Variants in CCBE1 observed in about 807,000 individuals in gnomAD.
CCBE1 encodes the protein collagen and calcium binding EGF domains 1.
A neutral mutation model predicts 50.0 loss-of-function variants in CCBE1; 37 were observed. The observed-to-expected ratio is 0.74, with a 90% confidence interval of 0.57 to 0.97. CCBE1 has a LOEUF of 0.97. CCBE1 is among the 50% of genes least tolerant of loss of function. The pLI, the probability that CCBE1 is intolerant of heterozygous loss-of-function variation, is 0.00. For synonymous variants in CCBE1, 234 were observed against 203.7 expected, an observed-to-expected ratio of 1.15 and a Z score of -1.27; for missense variants, 538 against 523.8, an observed-to-expected ratio of 1.03 and a Z score of -0.26.
intron 2 of CCBE1, among the ~76,000 whole-genome samples, chr18:59,536,825 T>C (rs1915268693): frequency 6.6e-6 from 1 of 151,842 alleles, no homozygotes; most frequent in African/African-American, 2.4e-5. Context: ...CCATCTCTAC[T>C]AAAAATGCAA....
intron 5 of CCBE1, among the ~76,000 whole-genome samples, chr18:59,460,251 C>T (rs906573939): frequency 1.3e-5 from 2 of 152,204 alleles, no homozygotes; most frequent in South Asian, 4.1e-4. Context: ...TTCTCTCCTC[C>T]TGGATTCCTA....
chr18:59,548,674 A>G (rs1261298490), intron 2 of CCBE1, among the ~76,000 whole-genome samples: 1 of 152,190 alleles, frequency 6.6e-6, no homozygotes, highest in African/African-American at 2.4e-5. Flanking sequence ...ACTTTGGGCC[A>G]GGCACAGTGG....
At chr18:59,554,220 C>G (rs945189585) in intron 2 of CCBE1, among the ~76,000 whole-genome samples, 1 of 152,122 alleles carries the variant, frequency 6.6e-6, no homozygotes, top group African/African-American at 2.4e-5. Flanking sequence ...CTCAAGCGAT[C>G]CTCTCACCTC....
At chr18:59,540,781 G>A (rs1915436097) in intron 2 of CCBE1, among the ~76,000 whole-genome samples, 1 of 152,136 alleles carries the variant, frequency 6.6e-6, no homozygotes, top group Non-Finnish European at 1.5e-5. Context: ...CAACAGCAGA[G>A]TTAAGTACTC....
chr18:59,678,169 G>C (rs1006123950), intron 2 of CCBE1, among the ~76,000 whole-genome samples: 2 of 152,140 alleles, frequency 1.3e-5, no homozygotes, highest in Non-Finnish European at 2.9e-5. Flanking sequence ...ATAGAAGGAG[G>C]GGGGAGGACT....
chr18:59,527,282 T>A (rs1394032707), intron 2 of CCBE1, among the ~76,000 whole-genome samples: 1 of 152,232 alleles, frequency 6.6e-6, no homozygotes, highest in Non-Finnish European at 1.5e-5. Flanking sequence ...TTTTTATCTC[T>A]GTTGGTTTGA....
chr18:59,575,129 A>G (rs1349576285), intron 2 of CCBE1, among the ~76,000 whole-genome samples: 1 of 152,202 alleles, frequency 6.6e-6, no homozygotes, highest in South Asian at 2.1e-4. Context: ...GACCTGGAAC[A>G]GAATCTTCCA....
intron 2 of CCBE1, among the ~76,000 whole-genome samples, chr18:59,545,124 G>T (rs1305323101): frequency 6.6e-6 from 1 of 152,196 alleles, no homozygotes; most frequent in Non-Finnish European, 1.5e-5. Context: ...AGGGCATAAA[G>T]AGAAAGGTTC....
chr18:59,580,742 T>G (rs2053072494), intron 2 of CCBE1, among the ~76,000 whole-genome samples: 1 of 152,126 alleles, frequency 6.6e-6, no homozygotes, highest in Non-Finnish European at 1.5e-5. Context: ...TTCCAACATT[T>G]TACATTAAGT....
chr18:59,654,053 G>A (rs1568255784), intron 2 of CCBE1, among the ~76,000 whole-genome samples: 1 of 151,768 alleles, frequency 6.6e-6, no homozygotes, highest in East Asian at 1.9e-4. Flanking sequence ...AAGTAGGTTG[G>A]AAAAAAAAGA....
chr18:59,594,660 G>GT (rs1416641272), intron 2 of CCBE1, among the ~76,000 whole-genome samples: 1 of 152,168 alleles, frequency 6.6e-6, no homozygotes, highest in African/African-American at 2.4e-5. Context: ...AAGGGGAAAA[G>GT]ATCTTCAACT....
chr18:59,474,148 C>A (rs1039868423), intron 3 of CCBE1, among the ~76,000 whole-genome samples: 3 of 152,116 alleles, frequency 2.0e-5, no homozygotes, highest in Admixed American at 2.0e-4. Context: ...CTATGGGCAC[C>A]TAGGTTGATT....
intron 2 of CCBE1, among the ~76,000 whole-genome samples, chr18:59,593,489 T>C (rs1239461528): frequency 6.6e-6 from 1 of 152,258 alleles, no homozygotes; most frequent in African/African-American, 2.4e-5. Context: ...GTCTTCTCTA[T>C]CAGCTGTTTT....
At chr18:59,540,591 C>T (rs552093788) in intron 2 of CCBE1, among the ~76,000 whole-genome samples, 2 of 152,268 alleles carry the variant, frequency 1.3e-5, no homozygotes, top group South Asian at 4.1e-4. Context: ...CCTCTTCTCC[C>T]CACTGATTTT....
intron 2 of CCBE1, among the ~76,000 whole-genome samples, chr18:59,653,601 G>A (rs2054152988): frequency 6.6e-6 from 1 of 152,160 alleles, no homozygotes; most frequent in African/African-American, 2.4e-5. Flanking sequence ...GCACAGAGAA[G>A]TTAAGAAAAT....
chr18:59,489,621 C>A (rs1487966691), intron 2 of CCBE1, among the ~76,000 whole-genome samples: 1 of 152,066 alleles, frequency 6.6e-6, no homozygotes. Context: ...CCATGTTGGC[C>A]AGGCTGGTCT....
At chr18:59,466,586 T>C (rs185491301) in intron 5 of CCBE1, among the ~76,000 whole-genome samples, 153 bp downstream of exon 5, 2 of 151,144 alleles carry the variant, frequency 1.3e-5, no homozygotes, top group African/African-American at 2.4e-5. Context: ...GTGGCATACA[T>C]TGTATATAAA....
At chr18:59,589,591 C>T (rs1023146226) in intron 2 of CCBE1, among the ~76,000 whole-genome samples, 8 of 151,934 alleles carry the variant, frequency 5.3e-5, no homozygotes, top group Admixed American at 2.0e-4. Context: ...GCCAGGAGAT[C>T]GAGACCATCC....
intron 3 of CCBE1, among the ~76,000 whole-genome samples, chr18:59,478,930 C>T (rs957914250): frequency 2.0e-5 from 3 of 152,198 alleles, no homozygotes; most frequent in Non-Finnish European, 2.9e-5. Flanking sequence ...AACCATCACA[C>T]GTGGAGCGAT....
Sources: allele counts gnomAD v4.1 joint callset (sites outside exome capture counted in the v4.1 genomes callset), GRCh38; gene constraint gnomAD v4.1.1; transcripts MANE v1.5; gene names NCBI Gene and HGNC (gene_info 2026-07-23, HGNC 2026-07-21).